The following FHIT variants were observed in gnomAD, a reference collection of about 807,000 sequenced individuals.
The protein encoded by FHIT is fragile histidine triad diadenosine triphosphatase.
A neutral mutation model predicts 17.9 loss-of-function variants in FHIT; 19 were observed. That is an observed-to-expected ratio of 1.06 (90% CI 0.74 to 1.56). FHIT has a LOEUF of 1.56. Among genes scored for constraint, FHIT ranks in the 40% most tolerant of loss-of-function variants. The probability of loss-of-function intolerance (pLI) is 0.00; values close to 1 mark genes in which losing one functional copy is unlikely to be tolerated. For synonymous variants in FHIT, 81 were observed against 69.7 expected, an observed-to-expected ratio of 1.16 and a Z score of -0.81; for missense variants, 248 against 189.2, an observed-to-expected ratio of 1.31 and a Z score of -1.82.
At chr3:60,479,764 G>A (rs573037451) in intron 5 of FHIT, among the ~76,000 whole-genome samples, 5 of 152,288 alleles carry the variant, frequency 3.3e-5, no homozygotes, top group South Asian at 4.1e-4. Context: ...TTGCACATGC[G>A]AGGGATCTAG....
chr3:60,157,923 T>G (rs562791277), intron 5 of FHIT, among the ~76,000 whole-genome samples: 1 of 152,228 alleles, frequency 6.6e-6, no homozygotes, highest in East Asian at 1.9e-4. Context: ...GTTCCCTGAA[T>G]GGTGATGAGA....
intron 2 of FHIT, among the ~76,000 whole-genome samples, chr3:61,120,989 G>T (rs935444032): frequency 2.6e-5 from 4 of 151,570 alleles, no homozygotes; most frequent in Middle Eastern, 3.2e-3. Context: ...AGAAGAAAGG[G>T]TATCAGAGAT....
At chr3:60,114,317 T>A (rs950459588) in intron 5 of FHIT, among the ~76,000 whole-genome samples, 1 of 150,582 alleles carries the variant, frequency 6.6e-6, no homozygotes, top group African/African-American at 2.4e-5. Flanking sequence ...CCTAAGATCA[T>A]GAGCACACAG....
chr3:60,711,994 A>G (rs1183201599), intron 4 of FHIT, among the ~76,000 whole-genome samples: 1 of 152,212 alleles, frequency 6.6e-6, no homozygotes, highest in Non-Finnish European at 1.5e-5. Flanking sequence ...AGTTGAAATG[A>G]AGGAAAAAAT....
chr3:60,427,891 C>G lies in FHIT; in HGVS notation c.103+108969G>C, dbSNP rs9862666. 8.5e-4 allele frequency among the ~76,000 whole-genome samples: 130 copies of G among 152,224 alleles called. 1 individual carries two copies. Among genetic ancestry groups the G allele is most frequent in the African/African-American group, 3.1e-3 (129 of 41,554 alleles). ...TCTCTCCCTCCTAGCTGGGCCAGTC[C>G]TGTTAATGTCTTCTCCATCCTCCCA... On this transcript the variant is annotated intron_variant, in intron 5 of 9. Transcript: ENST00000492590.
chr3:60,967,757 C>A (rs1012961887), intron 3 of FHIT, among the ~76,000 whole-genome samples: 7 of 152,144 alleles, frequency 4.6e-5, no homozygotes, highest in African/African-American at 1.7e-4. Flanking sequence ...ATCATGGAAA[C>A]TAAATGCATT....
chr3:60,405,513 C>G (rs1474333244), intron 5 of FHIT, among the ~76,000 whole-genome samples: 3 of 152,184 alleles, frequency 2.0e-5, no homozygotes, highest in Non-Finnish European at 4.4e-5. Context: ...TCAGTGCATC[C>G]TCATTCTTCT....
chr3:59,950,669 T>A (rs192241272), intron 7 of FHIT, among the ~76,000 whole-genome samples: 1 of 152,360 alleles, frequency 6.6e-6, no homozygotes, highest in African/African-American at 2.4e-5. Context: ...CTTACTTCCA[T>A]GCTACAAACT....
chr3:61,210,017 T>C (rs1354382419), intron 1 of FHIT, among the ~76,000 whole-genome samples: 1 of 152,256 alleles, frequency 6.6e-6, no homozygotes, highest in African/African-American at 2.4e-5. Flanking sequence ...TGTTTGTTAG[T>C]TTTCCTTCTA....
chr3:61,100,380 G>T (rs1232842860), intron 2 of FHIT, among the ~76,000 whole-genome samples: 1 of 152,126 alleles, frequency 6.6e-6, no homozygotes, highest in Non-Finnish European at 1.5e-5. Context: ...TCCCTACAAA[G>T]GACATGAAAT....
chr3:59,979,413 G>A (rs1708552977), intron 7 of FHIT, among the ~76,000 whole-genome samples: 1 of 152,110 alleles, frequency 6.6e-6, no homozygotes, highest in Non-Finnish European at 1.5e-5. Context: ...GGGAAAACAA[G>A]ATACTTAGTT....
intron 3 of FHIT, among the ~76,000 whole-genome samples, chr3:60,868,508 A>G (rs1468703192): frequency 6.6e-6 from 1 of 152,152 alleles, no homozygotes; most frequent in Non-Finnish European, 1.5e-5. Flanking sequence ...GAAACAACCA[A>G]TAAGAATCAG....
At chr3:60,512,108 G>GCTA (rs2034972602) in intron 5 of FHIT, among the ~76,000 whole-genome samples, 1 of 152,158 alleles carries the variant, frequency 6.6e-6, no homozygotes, top group Non-Finnish European at 1.5e-5. Context: ...ACTCAAGCCA[G>GCTA]AATCACCAAC....
chr3:60,427,373 G>A (rs1458291219), intron 5 of FHIT, among the ~76,000 whole-genome samples: 4 of 152,054 alleles, frequency 2.6e-5, no homozygotes, highest in Non-Finnish European at 5.9e-5. Context: ...CAAGCCTCCA[G>A]ATAAGAGCAC....
At chr3:60,387,023 CTTTT>C (rs71627536) in intron 5 of FHIT, among the ~76,000 whole-genome samples, 1 of 136,410 alleles carries the variant, frequency 7.3e-6, no homozygotes, top group Admixed American at 7.4e-5. Context: ...TCTATTTATT[CTTTT>C]TTTTTTTTGG....
intron 4 of FHIT, among the ~76,000 whole-genome samples, chr3:60,570,754 A>AC (rs1334000739): frequency 1.3e-5 from 2 of 151,042 alleles, no homozygotes; most frequent in African/African-American, 4.8e-5. Context: ...AAAAAAAAAA[A>AC]ACTATCTCAA....
chr3:60,614,858 C>A, intron 4 of FHIT, among the ~76,000 whole-genome samples: 1 of 122,460 alleles, frequency 8.2e-6, no homozygotes, highest in Non-Finnish European at 1.6e-5. Flanking sequence ...TGAGATGGAG[C>A]CCTGCTCTGT....
chr3:60,614,054 G>A (rs1461177636), intron 4 of FHIT, among the ~76,000 whole-genome samples: 3 of 152,048 alleles, frequency 2.0e-5, no homozygotes, highest in Non-Finnish European at 4.4e-5. Context: ...GGTGGAGAAA[G>A]AGAAATACAA....
intron 3 of FHIT, among the ~76,000 whole-genome samples, chr3:61,000,537 T>C (rs1407474223): frequency 6.6e-6 from 1 of 152,148 alleles, no homozygotes; most frequent in Non-Finnish European, 1.5e-5. Flanking sequence ...TGGCTTGTTC[T>C]GAAAAAAGGT....
Sources: gnomAD v4.1 joint callset for allele counts (sites outside exome capture counted in the v4.1 genomes callset) on GRCh38, gnomAD v4.1.1 for gene constraint, MANE v1.5 for transcripts, NCBI Gene and HGNC (gene_info 2026-07-23, HGNC 2026-07-21) for gene names.